The following PSMA1 variants were observed in gnomAD, a reference collection of about 807,000 sequenced individuals.
PSMA1 encodes the protein proteasome subunit alpha type-1.
In PSMA1, 3 loss-of-function variants were observed where a neutral mutation model predicts 38.4. The ratio of observed to expected loss-of-function variants is 0.08; its 90% CI spans 0.04 to 0.20. The LOEUF is 0.20. Ranked by LOEUF, PSMA1 falls within the 10% of genes least tolerant of loss-of-function variation. The probability of loss-of-function intolerance (pLI) is 1.00; values close to 1 mark genes in which losing one functional copy is unlikely to be tolerated. For missense variants in PSMA1, 227 were observed against 325.3 expected, an observed-to-expected ratio of 0.70 and a Z score of 2.32; for synonymous variants, 101 against 107.1, an observed-to-expected ratio of 0.94 and a Z score of 0.35.
chr11:14,544,174 C>T (rs1195161751), intron 2 of PSMA1, among the ~76,000 whole-genome samples: 4 of 152,140 alleles, frequency 2.6e-5, no homozygotes, highest in Non-Finnish European at 5.9e-5. Context: ...GGACCACAGG[C>T]GCACAACACC....
chr11:14,632,265 T>A (rs1033125379), intron 1 of PSMA1, among the ~76,000 whole-genome samples: 1 of 150,178 alleles, frequency 6.7e-6, no homozygotes, highest in East Asian at 1.9e-4. Context: ...CTAGTCTCGA[T>A]GGTCTTTACA....
At chr11:14,620,501 CTT>C (rs981518985) in intron 1 of PSMA1, among the ~76,000 whole-genome samples, 5 of 152,180 alleles carry the variant, frequency 3.3e-5, no homozygotes, top group Non-Finnish European at 1.5e-5. Flanking sequence ...CTGGTTTAGC[CTT>C]TGTCTCAAAC....
At chr11:14,615,636 C>T (rs1352531678) in intron 1 of PSMA1, among the ~76,000 whole-genome samples, 1 of 152,206 alleles carries the variant, frequency 6.6e-6, no homozygotes, top group Admixed American at 6.5e-5. Context: ...CTGTCCTTAA[C>T]TGCCTATACC....
rs779175736 is a variant in PSMA1, at chr11:14,510,873, T to C, written c.623A>G (p.Lys208Arg). 16 of 1,597,716 alleles carry C rather than the reference T, an allele frequency of 1.0e-5. No homozygotes were observed. In the South Asian group the frequency reaches 1.7e-4, roughly 17 times the overall value. Residue 208 changes from lysine (K) to arginine (R), a missense_variant and splice_region_variant, in exon 8 of 10, where the codon AAG becomes AGG. Transcript: ENST00000396394. The part of the protein sequence containing the change: ...TLPAEQDLTT[K>R]NVSIGIVGKD... ...ACAATTGGAAAAGACAATACTTACC[T>C]TTGTAGTCAGGTCCTGTTCTGCAGG...
intron 2 of PSMA1, among the ~76,000 whole-genome samples, chr11:14,574,628 T>G (rs1852190833): frequency 6.6e-6 from 1 of 152,086 alleles, no homozygotes; most frequent in Admixed American, 6.5e-5. Context: ...ATCTCCTGAT[T>G]GTGAGTTTTC....
chr11:14,544,921 A>T (rs1481081449), intron 2 of PSMA1, among the ~76,000 whole-genome samples: 1 of 152,242 alleles, frequency 6.6e-6, no homozygotes, highest in Non-Finnish European at 1.5e-5. Context: ...AAGAAGGGGA[A>T]ACAACCTAAA....
At chr11:14,640,189 G>A (rs1853181062) in intron 1 of PSMA1, among the ~76,000 whole-genome samples, 1 of 152,094 alleles carries the variant, frequency 6.6e-6, no homozygotes, top group African/African-American at 2.4e-5. Context: ...GAGAGAGGTC[G>A]GGGGAAAGAG....
exon 2 of PSMA1, chr11:14,610,997 G>C: frequency 6.2e-7 from 1 of 1,612,694 alleles, no homozygotes; most frequent in Non-Finnish European, 8.5e-7. Context: ...AACATTTCCA[G>C]GAGACAGTCA....
intron 1 of PSMA1, among the ~76,000 whole-genome samples, chr11:14,624,045 G>C (rs1397709281): frequency 1.3e-5 from 2 of 152,154 alleles, no homozygotes; most frequent in Admixed American, 6.5e-5. Context: ...AAAAACATTT[G>C]AACAGGTGAC....
At chr11:14,561,118 T>G (rs770366698) in intron 2 of PSMA1, among the ~76,000 whole-genome samples, 1 of 152,056 alleles carries the variant, frequency 6.6e-6, no homozygotes, top group Non-Finnish European at 1.5e-5. Context: ...AAAATGAACA[T>G]AAAAATATTA....
rs1291289332 is a variant in PSMA1 at position 14,534,617 on chromosome 11, G to A, written c.22-15576C>T. 2.6e-5 allele frequency among the ~76,000 whole-genome samples: 4 copies of A among 152,082 alleles called. No homozygotes were observed. Among genetic ancestry groups the A allele is most frequent in the Non-Finnish European group, 2.9e-5 (2 of 68,018 alleles). On this transcript the variant is annotated intron_variant, in intron 2 of 10. Coordinates refer to the PSMA1 transcript ENST00000418988. The surrounding 1 kb of genome is among the most constrained non-coding windows in gnomAD (Gnocchi z 4.5). ...CTCTAGAGTAGCTGGGTCTACAGGAGTGAGCCACTGTGCTGACCATTTTTT... is the reference window on the plus strand; with the variant it reads ...CTCTAGAGTAGCTGGGTCTACAGGAATGAGCCACTGTGCTGACCATTTTTT...
In PSMA1 at chr11:14,568,957, G is replaced by C. The variant is rs1258806845; in HGVS notation, c.21+42009C>G. Among the ~76,000 whole-genome samples the C allele has an allele frequency of 3.3e-5, 5 of 152,166 alleles. 1 individual carries two copies. The highest frequency in any genetic ancestry group is 3.2e-3 in the Middle Eastern group (1 of 316). Reference sequence around the variant, plus strand: ...GGCTGCACAGAGTAGGGGGGCCCTAGGCCTGGCCCATGACACCATTTTTCC... The same window carrying C: ...GGCTGCACAGAGTAGGGGGGCCCTACGCCTGGCCCATGACACCATTTTTCC... On this transcript the variant is annotated intron_variant, in intron 2 of 10. Transcript: ENST00000418988.
At chr11:14,600,692 G>T (rs1852570865) in intron 2 of PSMA1, among the ~76,000 whole-genome samples, 1 of 152,222 alleles carries the variant, frequency 6.6e-6, no homozygotes, top group African/African-American at 2.4e-5. Flanking sequence ...GACCCCTTGT[G>T]CTTCCCAGGT....
intron 2 of PSMA1, among the ~76,000 whole-genome samples, chr11:14,609,043 G>T (rs1345793669): frequency 6.6e-6 from 1 of 152,160 alleles, no homozygotes; most frequent in East Asian, 1.9e-4. Context: ...TCCTAGAATG[G>T]ATGCAGTTCC....
At chr11:14,625,364 C>T (rs1240499276) in intron 1 of PSMA1, among the ~76,000 whole-genome samples, 2 of 152,188 alleles carry the variant, frequency 1.3e-5, no homozygotes, top group African/African-American at 2.4e-5. Flanking sequence ...AGGAGAATCA[C>T]TTGAACCCGG....
chr11:14,536,329 C>G (rs1851707044), intron 2 of PSMA1, among the ~76,000 whole-genome samples: 1 of 152,034 alleles, frequency 6.6e-6, no homozygotes, highest in African/African-American at 2.4e-5. Flanking sequence ...GAATTCGAAA[C>G]CAGCCTGACC....
chr11:14,641,962 A>G (rs1853208809), intron 1 of PSMA1, among the ~76,000 whole-genome samples: 1 of 152,258 alleles, frequency 6.6e-6, no homozygotes. Flanking sequence ...TAAAAGTTAT[A>G]GGATTGCTTA....
chr11:14,641,835 T>C (rs896989823), intron 1 of PSMA1, among the ~76,000 whole-genome samples: 8 of 152,220 alleles, frequency 5.3e-5, no homozygotes, highest in Non-Finnish European at 1.2e-4. Flanking sequence ...AAGGTGAGTC[T>C]TAAGGATGCC....
chr11:14,516,390 G>C (rs552309182), intron 4 of PSMA1, among the ~76,000 whole-genome samples: 2 of 152,274 alleles, frequency 1.3e-5, no homozygotes, highest in South Asian at 4.1e-4. Flanking sequence ...ATTTTTTGTA[G>C]AGATGGGGAT....
Sources: allele counts gnomAD v4.1 joint callset (sites outside exome capture counted in the v4.1 genomes callset), GRCh38; gene constraint gnomAD v4.1.1; non-coding constraint Gnocchi (gnomAD v3.1); transcripts MANE v1.5; gene names NCBI Gene and HGNC (gene_info 2026-07-23, HGNC 2026-07-21).